Variants in TAMM41 observed in about 807,000 individuals in gnomAD.
TAMM41 encodes TAM41 mitochondrial translocator assembly and maintenance homolog.
TAMM41 carries 36 observed loss-of-function variants against 44.1 expected under a neutral mutation model. The observed-to-expected ratio is 0.82, with a 90% CI of 0.63 to 1.08. The LOEUF (loss-of-function observed/expected upper bound fraction) is 1.08. Among genes scored for constraint, TAMM41 ranks in the 50% least tolerant of loss-of-function variants. The pLI, the probability that TAMM41 is intolerant of heterozygous loss-of-function variation, is 0.00. For synonymous variants in TAMM41, 164 were observed against 153.1 expected (o/e 1.07, Z -0.53); for missense variants, 417 against 404.3 (o/e 1.03, Z -0.27).
intron 5 of TAMM41, among the ~76,000 whole-genome samples, chr3:11,815,370 TC>T (rs2078239397): frequency 6.6e-6 from 1 of 152,046 alleles, no homozygotes; most frequent in Non-Finnish European, 1.5e-5. Flanking sequence ...GGAAAAACAT[TC>T]CTGTGAGAAA....
intron 6 of TAMM41, chr3:11,808,468 C>G: frequency 2.0e-6 from 2 of 986,168 alleles, no homozygotes; most frequent in South Asian, 4.7e-5. Flanking sequence ...AGTGCAGGCC[C>G]AGGAGGAGAG....
At chr3:11,752,142 C>T in the TAMM41 span, among the ~76,000 whole-genome samples, 4 of 151,960 alleles carry the variant, frequency 2.6e-5, no homozygotes, top group East Asian at 1.9e-4. Flanking sequence ...ACCTTCGCGG[C>T]GAGTGTTACA....
chr3:11,729,538 CA>C, the TAMM41 span, among the ~76,000 whole-genome samples: 324 of 65,478 alleles, frequency 4.9e-3, 4 homozygotes, highest in Non-Finnish European at 5.6e-3. Context: ...TTCTTTCTTT[CA>C]TTTTTTTTTT....
the TAMM41 span, among the ~76,000 whole-genome samples, chr3:11,744,765 T>G: frequency 0.67 from 102,059 of 152,022 alleles, 35,417 homozygotes; most frequent in African/African-American, 0.85. Context: ...GGTGGCTCAC[T>G]CCTGTAATCC....
At chr3:11,823,370 C>T (rs1258011924) in intron 4 of TAMM41, among the ~76,000 whole-genome samples, 1 of 151,186 alleles carries the variant, frequency 6.6e-6, no homozygotes, top group South Asian at 2.1e-4. Context: ...ATTCTCCTGC[C>T]TCAGCTTCCC....
At chr3:11,788,498 A>G (rs1474386905), downstream of TAMM41, among the ~76,000 whole-genome samples, 2 of 152,182 alleles carry the variant, frequency 1.3e-5, no homozygotes, top group African/African-American at 2.4e-5. Context: ...TATGTTGCCC[A>G]AGCTGCTCTT....
chr3:11,846,627 G>A lies in TAMM41; in HGVS notation c.10C>T (p.Gln4Ter), dbSNP rs1418816767. The change falls in exon 1 of 8, where the codon CAG becomes TAG. Residue 4 changes from glutamine (Q) to a stop codon, truncating the protein, a stop_gained. Coordinates refer to ENST00000455809, the MANE Select transcript of TAMM41 (RefSeq NM_001284401.2). LOFTEE classifies it high-confidence loss of function. MAL[Q>*]TLQSSWVTFR... is the part of the protein sequence containing the mutation. ...GTCACCCACGAGCTCTGCAGCGTCT[G>A]CAGCGCCATGGGGTCGAGGCTAACA... 2 of 1,614,226 alleles carry A rather than the reference G, an allele frequency of 1.2e-6. No individual in the cohort carries two copies. The highest frequency in any genetic ancestry group is 8.5e-7 in the Non-Finnish European group (1 of 1,180,048).
the TAMM41 span, among the ~76,000 whole-genome samples, chr3:11,767,626 A>ATTCTTTTTTTTTTTTTTTTT: frequency 3.3e-5 from 2 of 60,692 alleles, no homozygotes; most frequent in Non-Finnish European, 3.1e-5. Flanking sequence ...CACGTTGTGC[A>ATTCTTTTTTTTTTTTTTTTT]TTTTTTTTTT....
intron 5 of TAMM41, among the ~76,000 whole-genome samples, chr3:11,814,086 G>A (rs1285679994): frequency 6.6e-6 from 1 of 151,980 alleles, no homozygotes; most frequent in Non-Finnish European, 1.5e-5. Context: ...GCTGAGGTGA[G>A]AGGATCACTT....
the TAMM41 span, among the ~76,000 whole-genome samples, chr3:11,751,562 G>A: frequency 6.6e-6 from 1 of 152,176 alleles, no homozygotes; most frequent in South Asian, 2.1e-4. Flanking sequence ...GAATGATAGA[G>A]AATGAATCTC....
chr3:11,790,621 TG>T, intron 7 of TAMM41, 40 bp from the exon 8 acceptor site: 1 of 1,537,170 alleles, frequency 6.5e-7, no homozygotes, highest in Non-Finnish European at 9.0e-7. Context: ...GATGGAGGCT[TG>T]TTGAGTGGAT....
chr3:11,732,692 A>G, the TAMM41 span, among the ~76,000 whole-genome samples: 2 of 152,188 alleles, frequency 1.3e-5, 1 homozygote, highest in South Asian at 4.1e-4. Flanking sequence ...TGAGGAGGTG[A>G]CATTTGAGCT....
At chr3:11,759,591 C>T in the TAMM41 span, among the ~76,000 whole-genome samples, 8 of 151,686 alleles carry the variant, frequency 5.3e-5, no homozygotes, top group East Asian at 1.9e-4. Context: ...TGCTCAAATA[C>T]ATACCAATTC....
At chr3:11,761,589 T>C in the TAMM41 span, among the ~76,000 whole-genome samples, 2 of 152,098 alleles carry the variant, frequency 1.3e-5, no homozygotes, top group African/African-American at 4.8e-5. Context: ...CGACTGCAGA[T>C]TTCTTAGCTT....
chr3:11,790,296 G>A, downstream of TAMM41: 1 of 583,316 alleles, frequency 1.7e-6, no homozygotes, highest in Non-Finnish European at 3.0e-6. Flanking sequence ...TGTACATGGA[G>A]AGGGTTCTTT....
At chr3:11,766,399 CTCAA>C in the TAMM41 span, among the ~76,000 whole-genome samples, 12 of 152,116 alleles carry the variant, frequency 7.9e-5, no homozygotes, top group East Asian at 3.9e-4. Context: ...AACTTCTGGA[CTCAA>C]TCAATCAGCC....
the TAMM41 span, among the ~76,000 whole-genome samples, chr3:11,740,723 G>A: frequency 2.2e-4 from 34 of 151,734 alleles, no homozygotes; most frequent in Admixed American, 1.4e-3. Flanking sequence ...CCGCCACCGC[G>A]CCCGGCTGAT....
intron 6 of TAMM41, chr3:11,808,713 G>C: frequency 1.3e-6 from 1 of 746,900 alleles, no homozygotes; most frequent in African/African-American, 1.9e-5. Flanking sequence ...CTGAAGATAA[G>C]GTTCAGGCTC....
intron 4 of TAMM41, among the ~76,000 whole-genome samples, chr3:11,827,974 AC>A (rs2078827700): frequency 6.6e-6 from 1 of 152,164 alleles, no homozygotes; most frequent in Non-Finnish European, 1.5e-5. Context: ...CAGATTAGGG[AC>A]CATATATAAT....
Sources: gnomAD v4.1 joint callset for allele counts (sites outside exome capture counted in the v4.1 genomes callset) on GRCh38, gnomAD v4.1.1 for gene constraint, MANE v1.5 for transcripts, NCBI Gene and HGNC (gene_info 2026-07-23, HGNC 2026-07-21) for gene names.